LSAMP: variants seen among roughly 807,000 people sequenced by gnomAD.
LSAMP encodes limbic system-associated membrane protein.
A neutral mutation model predicts 38.6 loss-of-function variants in LSAMP; 7 were observed. That is an observed-to-expected ratio of 0.18 (90% CI 0.10 to 0.34). The LOEUF (loss-of-function observed/expected upper bound fraction) is 0.34, where lower values mean the gene tolerates loss of function less well. Among genes scored for constraint, LSAMP ranks in the 10% least tolerant of loss-of-function variants. LSAMP has a pLI of 1.00. For missense variants in LSAMP, 313 were observed against 420.0 expected (o/e 0.75, Z 2.23); for synonymous variants, 154 against 166.8 (o/e 0.92, Z 0.59).
intron 1 of LSAMP, among the ~76,000 whole-genome samples, chr3:116,379,911 T>C (rs1347131292): frequency 6.6e-6 from 1 of 152,052 alleles, no homozygotes; most frequent in East Asian, 1.9e-4. Flanking sequence ...CTCAGATCGC[T>C]TCTGTGTTTG....
chr3:116,159,674 TG>T lies in LSAMP; in HGVS notation c.156-73119del, dbSNP rs926974086. 9.2e-5 allele frequency among the ~76,000 whole-genome samples: 14 copies of T among 152,286 alleles called. 1 individual carries two copies. In the Middle Eastern group the frequency reaches 0.021, roughly 224 times the overall value. On this transcript the variant is annotated intron_variant, in intron 1 of 6. Coordinates refer to ENST00000490035, the MANE Select transcript of LSAMP (RefSeq NM_002338.5). ...TGGGAGTATAAATTAATTCAGTCAT[TG>T]TGGAAAGCAGTTTGGTGATTTTTCA...
intron 3 of LSAMP, 72 bp from the exon 4 acceptor site, chr3:115,852,689 T>C: frequency 2.2e-6 from 3 of 1,363,740 alleles, no homozygotes; most frequent in Non-Finnish European, 3.0e-6. Flanking sequence ...ATTATTCTTT[T>C]TAAAAGCCAT....
At chr3:116,366,088 T>G (rs1459110340) in intron 1 of LSAMP, among the ~76,000 whole-genome samples, 2 of 121,838 alleles carry the variant, frequency 1.6e-5, no homozygotes, top group African/African-American at 3.0e-5. Context: ...ACAAATAACC[T>G]ACAGAATGAG....
chr3:116,129,535 C>A (rs960589385), intron 1 of LSAMP, among the ~76,000 whole-genome samples: 1 of 152,150 alleles, frequency 6.6e-6, no homozygotes, highest in South Asian at 2.1e-4. Context: ...AAGGGTATGG[C>A]CCAGCTTGTC....
intron 1 of LSAMP, among the ~76,000 whole-genome samples, chr3:116,179,290 A>C (rs1056018705): frequency 6.6e-6 from 1 of 152,114 alleles, no homozygotes; most frequent in African/African-American, 2.4e-5. Flanking sequence ...CCTGCTTAGA[A>C]AATAAACACA....
chr3:115,901,220 G>A (rs1936866198), intron 3 of LSAMP, among the ~76,000 whole-genome samples: 1 of 152,016 alleles, frequency 6.6e-6, no homozygotes. Context: ...TGGCAGCCAA[G>A]AGCAACTTAC....
intron 3 of LSAMP, among the ~76,000 whole-genome samples, chr3:115,995,861 T>A (rs1013033865): frequency 1.3e-5 from 2 of 152,022 alleles, no homozygotes; most frequent in African/African-American, 4.8e-5. Context: ...TATTAATATT[T>A]TCCTGAGTAT....
chr3:116,101,239 G>A (rs1192096344), intron 1 of LSAMP, among the ~76,000 whole-genome samples: 1 of 152,208 alleles, frequency 6.6e-6, no homozygotes, highest in East Asian at 1.9e-4. Flanking sequence ...GGTGTTGAAA[G>A]CGGAGAAGTT....
At chr3:115,930,249 A>G (rs1387691115) in intron 3 of LSAMP, among the ~76,000 whole-genome samples, 3 of 152,094 alleles carry the variant, frequency 2.0e-5, no homozygotes, top group African/African-American at 4.8e-5. Flanking sequence ...TTTATTTTTG[A>G]GAGTCAGAAT....
At chr3:115,856,715 C>T (rs1049480677) in intron 3 of LSAMP, among the ~76,000 whole-genome samples, 1 of 152,076 alleles carries the variant, frequency 6.6e-6, no homozygotes, top group African/African-American at 2.4e-5. Flanking sequence ...GTCTCTGAAT[C>T]AGGAAGTGGG....
intron 3 of LSAMP, among the ~76,000 whole-genome samples, chr3:115,876,260 A>ATTT (rs1559862866): frequency 1.1e-4 from 16 of 147,706 alleles, no homozygotes; most frequent in African/African-American, 4.0e-4. Flanking sequence ...CTGATTTAAA[A>ATTT]AAAAAAAAAG....
At chr3:115,960,707 C>A (rs987821244) in intron 3 of LSAMP, among the ~76,000 whole-genome samples, 42 of 152,110 alleles carry the variant, frequency 2.8e-4, no homozygotes, top group Middle Eastern at 3.2e-3. Flanking sequence ...TCACCACCTA[C>A]AAGAAGGACT....
intron 1 of LSAMP, among the ~76,000 whole-genome samples, chr3:116,141,089 G>A (rs550619260): frequency 1.3e-4 from 20 of 151,974 alleles, no homozygotes; most frequent in Non-Finnish European, 2.4e-4. Context: ...GATGACTTAA[G>A]GCCTATTCCT....
chr3:116,305,277 A>C (rs971818591), intron 1 of LSAMP, among the ~76,000 whole-genome samples: 8 of 152,124 alleles, frequency 5.3e-5, no homozygotes, highest in Non-Finnish European at 8.8e-5. Context: ...CTGGGTCAAG[A>C]AAAGAGAATA....
chr3:116,440,794 A>C (rs2049422975), intron 1 of LSAMP, among the ~76,000 whole-genome samples: 1 of 152,246 alleles, frequency 6.6e-6, no homozygotes, highest in Non-Finnish European at 1.5e-5. Flanking sequence ...GATAACATTT[A>C]GTGATTTAAC....
At chr3:115,856,244 A>G (rs185625356) in intron 3 of LSAMP, among the ~76,000 whole-genome samples, 1 of 152,312 alleles carries the variant, frequency 6.6e-6, no homozygotes, top group East Asian at 1.9e-4. Context: ...CAAAGTGATG[A>G]CGGTATTTGG....
intron 6 of LSAMP, among the ~76,000 whole-genome samples, chr3:115,815,906 A>G (rs1242047608): frequency 6.6e-6 from 1 of 152,144 alleles, no homozygotes; most frequent in African/African-American, 2.4e-5. Flanking sequence ...TCTTGGGAGT[A>G]AGCAACAAAG....
chr3:116,444,810 AAACACAC>A (rs869130822), intron 1 of LSAMP, 60 bp downstream of exon 1: 131 of 987,074 alleles, frequency 1.3e-4, no homozygotes, highest in South Asian at 2.5e-4. Flanking sequence ...ACACACACAC[AAACACAC>A]ACACACACAC....
At chr3:116,278,377 C>T (rs1237856374) in intron 1 of LSAMP, among the ~76,000 whole-genome samples, 1 of 152,040 alleles carries the variant, frequency 6.6e-6, no homozygotes, top group Non-Finnish European at 1.5e-5. Context: ...AAACTATTAG[C>T]TGATTTTTTT....
Sources: allele counts gnomAD v4.1 joint callset (sites outside exome capture counted in the v4.1 genomes callset), GRCh38; gene constraint gnomAD v4.1.1; transcripts MANE v1.5; gene names NCBI Gene and HGNC (gene_info 2026-07-23, HGNC 2026-07-21).